Variants in RBMS3 observed in about 807,000 individuals in gnomAD.
RBMS3 encodes RNA binding motif single stranded interacting protein 3, also known as RNA-binding motif, single-stranded-interacting protein 3.
Under a neutral mutation model 66.8 loss-of-function variants are expected in RBMS3, and 27 were observed. The observed-to-expected ratio is 0.40, with a 90% CI of 0.30 to 0.56. RBMS3 has a LOEUF of 0.56. Among genes scored for constraint, RBMS3 ranks in the 20% least tolerant of loss-of-function variants. The pLI, the probability that RBMS3 is intolerant of heterozygous loss-of-function variation, is 0.40. For synonymous variants in RBMS3, 188 were observed against 183.0 expected (o/e 1.03, Z -0.22); for missense variants, 513 against 549.5 (o/e 0.93, Z 0.66).
At chr3:29,813,629 A>G (rs1041621747) in intron 6 of RBMS3, among the ~76,000 whole-genome samples, 1 of 152,040 alleles carries the variant, frequency 6.6e-6, no homozygotes, top group Non-Finnish European at 1.5e-5. Context: ...ATGTTCTTCC[A>G]TTTGTTTCTA....
chr3:29,385,186 C>G (rs2038958958), intron 1 of RBMS3, among the ~76,000 whole-genome samples: 2 of 152,122 alleles, frequency 1.3e-5, no homozygotes, highest in Non-Finnish European at 2.9e-5. Context: ...GAAAAATTAA[C>G]CAGTTTGTTT....
At chr3:29,969,401 A>G (rs1697076226) in intron 12 of RBMS3, among the ~76,000 whole-genome samples, 1 of 152,254 alleles carries the variant, frequency 6.6e-6, no homozygotes, top group South Asian at 2.1e-4. Context: ...TCATGTATAT[A>G]AAAAGCCAAT....
At chr3:29,589,086 T>G (rs1268699088) in intron 4 of RBMS3, among the ~76,000 whole-genome samples, 1 of 152,122 alleles carries the variant, frequency 6.6e-6, no homozygotes, top group Non-Finnish European at 1.5e-5. Flanking sequence ...AGTTGTTAGA[T>G]AAAAACCACT....
chr3:29,781,460 G>A (rs528021481), intron 6 of RBMS3, among the ~76,000 whole-genome samples: 79 of 152,022 alleles, frequency 5.2e-4, no homozygotes, highest in Non-Finnish European at 1.3e-4. Flanking sequence ...TATTTTGATT[G>A]CTATTAGTTT....
At chr3:29,775,503 T>C (rs1212740263) in intron 6 of RBMS3, among the ~76,000 whole-genome samples, 2 of 152,056 alleles carry the variant, frequency 1.3e-5, no homozygotes, top group African/African-American at 4.8e-5. Context: ...GTGAGTAGCA[T>C]GCGAATGAGT....
chr3:29,877,255 G>T (rs2059631000), intron 7 of RBMS3, among the ~76,000 whole-genome samples: 1 of 152,160 alleles, frequency 6.6e-6, no homozygotes, highest in African/African-American at 2.4e-5. Context: ...AAAGGAGAGA[G>T]ATAAAACCCT....
At chr3:29,577,859 G>A (rs1237116279) in intron 3 of RBMS3, among the ~76,000 whole-genome samples, 1 of 152,180 alleles carries the variant, frequency 6.6e-6, no homozygotes, top group Non-Finnish European at 1.5e-5. Flanking sequence ...AAGATATGAA[G>A]TTAAAATTAG....
At chr3:29,408,619 G>T (rs1559555720) in intron 1 of RBMS3, among the ~76,000 whole-genome samples, 2 of 152,078 alleles carry the variant, frequency 1.3e-5, no homozygotes, top group African/African-American at 4.8e-5. Flanking sequence ...ACTCTCTAAT[G>T]TCATTATGAT....
intron 4 of RBMS3, among the ~76,000 whole-genome samples, chr3:29,725,883 A>G (rs2053847267): frequency 6.6e-6 from 1 of 152,172 alleles, no homozygotes; most frequent in Admixed American, 6.5e-5. Context: ...TCCTGATAAC[A>G]AAACCTGGCA....
chr3:29,519,574 C>A (rs2044773896), intron 3 of RBMS3, among the ~76,000 whole-genome samples: 1 of 152,110 alleles, frequency 6.6e-6, no homozygotes, highest in Non-Finnish European at 1.5e-5. Context: ...GGTCAACCAA[C>A]AGAACTCAAA....
intron 6 of RBMS3, among the ~76,000 whole-genome samples, chr3:29,857,770 C>G (rs543595481): frequency 6.6e-6 from 1 of 151,960 alleles, no homozygotes; most frequent in East Asian, 1.9e-4. Context: ...CTCAATCAGA[C>G]GAGATCGGGC....
intron 12 of RBMS3, among the ~76,000 whole-genome samples, chr3:29,951,148 C>T (rs1168545783): frequency 6.6e-6 from 1 of 151,824 alleles, no homozygotes; most frequent in African/African-American, 2.4e-5. Context: ...TACAAAGCTT[C>T]TAATTCCTTT....
At chr3:29,336,469 A>C (rs547547501) in intron 1 of RBMS3, among the ~76,000 whole-genome samples, 26 of 151,674 alleles carry the variant, frequency 1.7e-4, no homozygotes, top group Admixed American at 1.2e-3. Context: ...GAAAAAAAAA[A>C]CCATAATCAA....
At chr3:29,775,339 A>G (rs1055760317) in intron 6 of RBMS3, among the ~76,000 whole-genome samples, 16 of 151,396 alleles carry the variant, frequency 1.1e-4, no homozygotes, top group African/African-American at 3.6e-4. Context: ...TTTTAAATGC[A>G]GAGGCAATGG....
intron 1 of RBMS3, among the ~76,000 whole-genome samples, chr3:29,331,651 C>T (rs979942909): frequency 1.3e-5 from 2 of 151,914 alleles, no homozygotes; most frequent in Non-Finnish European, 2.9e-5. Context: ...TTCTCAGCCT[C>T]GCGTGGCTGA....
At chr3:29,983,745 C>G (rs1345216323) in intron 12 of RBMS3, among the ~76,000 whole-genome samples, 2 of 152,174 alleles carry the variant, frequency 1.3e-5, no homozygotes, top group Non-Finnish European at 2.9e-5. Context: ...TGCCACCATT[C>G]TCTTCTGGCT....
chr3:29,340,611 A>C (rs1287653607), intron 1 of RBMS3, among the ~76,000 whole-genome samples: 1 of 152,160 alleles, frequency 6.6e-6, no homozygotes, highest in Non-Finnish European at 1.5e-5. Context: ...TCTTCTGTTC[A>C]AAAGTCAAAT....
chr3:29,325,847 G>A (rs184569865), intron 1 of RBMS3, among the ~76,000 whole-genome samples: 32 of 152,006 alleles, frequency 2.1e-4, no homozygotes, highest in Admixed American at 2.1e-3. Context: ...TTAAGTTGAG[G>A]CATCAAAAAT....
chr3:29,511,374 A>T (rs1026016714), intron 3 of RBMS3, among the ~76,000 whole-genome samples: 2 of 152,200 alleles, frequency 1.3e-5, no homozygotes, highest in African/African-American at 4.8e-5. Flanking sequence ...TTTAACAGTG[A>T]TCCTAATAAG....
Sources: gnomAD v4.1 joint callset for allele counts (sites outside exome capture counted in the v4.1 genomes callset) on GRCh38, gnomAD v4.1.1 for gene constraint, MANE v1.5 for transcripts, NCBI Gene and HGNC (gene_info 2026-07-23, HGNC 2026-07-21) for gene names.